The following FLAD1 variants were observed in gnomAD, a reference collection of about 807,000 sequenced individuals.
FLAD1 encodes the protein flavin adenine dinucleotide synthetase 1.
Under a neutral mutation model 55.0 loss-of-function variants are expected in FLAD1, and 35 were observed. The observed-to-expected ratio is 0.64, with a 90% CI of 0.49 to 0.84. The LOEUF is 0.84. FLAD1 is among the 40% of genes least tolerant of loss of function. FLAD1 has a pLI of 0.00. For synonymous variants in FLAD1, 267 were observed against 303.0 expected (o/e 0.88, Z 1.23); for missense variants, 665 against 742.6 (o/e 0.90, Z 1.21).
Position 154,983,553 on chromosome 1 carries a change from G to C in FLAD1, c.-142G>C, listed in dbSNP as rs1657419932. 6 of 807,206 alleles carry C rather than the reference G, an allele frequency of 7.4e-6. No individual in the cohort carries two copies. In the East Asian group the frequency reaches 1.3e-4, roughly 17 times the overall value. The allele number at this position is 807,206 out of a possible 1,614,324, so 50.0% of individuals were successfully genotyped here. Reference sequence around the variant, plus strand: ...AAGGGCCAAGGCCCAGGATAAGGTAGACATTTAAAGGGGTACGGATGCCCA... The same window carrying C: ...AAGGGCCAAGGCCCAGGATAAGGTACACATTTAAAGGGGTACGGATGCCCA... On this transcript the variant is annotated 5_prime_UTR_variant, in exon 1 of 7. Coordinates refer to ENST00000292180, the MANE Select transcript of FLAD1 (RefSeq NM_025207.5).
chr1:154,983,472 G>T lies in FLAD1; in HGVS notation c.-223G>T, dbSNP rs2292246. 1.5e-3 allele frequency: 708 copies of T among 477,848 alleles called. 8 individuals are homozygous for T. In the East Asian group the frequency reaches 0.02, roughly 14 times the overall value. The allele number at this position is 477,848 out of a possible 1,614,324, so 29.6% of individuals were successfully genotyped here. A position where few individuals can be genotyped will look rare whatever the true frequency, so the allele number is the denominator to read the frequency against. ...ATTCTGGGCTAGAAAGGGTGCAGAA[G>T]CCTGAAGTAGAAAGAGACGGGATTT... On this transcript the variant is annotated 5_prime_UTR_variant, in exon 1 of 7. Transcript: ENST00000292180.
In FLAD1 at chr1:154,988,594, G is replaced by A. The variant is rs779316347; in HGVS notation, c.862G>A (p.Ala288Thr). 5 of 1,614,230 alleles carry A rather than the reference G, an allele frequency of 3.1e-6. No individual in the cohort carries two copies. In the East Asian group the frequency reaches 8.9e-5, roughly 29 times the overall value. The change falls in exon 2 of 7, where the codon GCT (alanine) becomes ACT (threonine). Residue 288 changes from alanine (A) to threonine (T), a missense_variant. Ala to Thr is a moderately conservative substitution (Grantham distance 58). Coordinates refer to ENST00000292180, the MANE Select transcript of FLAD1 (RefSeq NM_025207.5). Reference sequence around the variant, plus strand: ...CCACTCAAAGGAGCTATATGTGGCTGCTGATGAAGCCTCCATCGCCCCCAT... The same window carrying A: ...CCACTCAAAGGAGCTATATGTGGCTACTGATGAAGCCTCCATCGCCCCCAT... ...QFHSKELYVAADEASIAPILA... is the reference protein window; with the variant it reads ...QFHSKELYVATDEASIAPILA...
At chr1:154,989,840 C>A in intron 3 of FLAD1, 133 bp downstream of exon 3, 1 of 1,013,548 alleles carries the variant, frequency 9.9e-7, no homozygotes, top group Non-Finnish European at 1.4e-6. Context: ...GTTCCATTCT[C>A]CCACCATATT....
In FLAD1 at chr1:154,988,289, T is replaced by G. The variant is rs1657708464; in HGVS notation, c.557T>G (p.Val186Gly). 1 of 1,614,100 alleles carries G rather than the reference T, an allele frequency of 6.2e-7. No individual in the cohort carries two copies. ...GGCATCGGCCCCACTCATGATGATG[T>G]GACCTTTGAGGCAGTGGCACAGGCC... Reference protein sequence around the residue: ...AGGIGPTHDDVTFEAVAQAFG... With the variant: ...AGGIGPTHDDGTFEAVAQAFG... Residue 186 changes from valine (V) to glycine (G), a missense_variant, in exon 2 of 7, where the codon GTG becomes GGG. Coordinates refer to ENST00000292180, the MANE Select transcript of FLAD1 (RefSeq NM_025207.5).
Position 154,983,906 on chromosome 1 carries a change from G to T in FLAD1, c.212G>T (p.Gly71Val). The T allele has an allele frequency of 6.2e-7, 1 of 1,611,926 alleles. No homozygotes were observed. ...YGPQCPVDLA[G>V]PPCLRPLFGG... is the part of the protein sequence containing the mutation. ...CCCCAGTGCCCTGTAGACCTGGCAG[G>T]CCCCCCGTGCTTGCGACCCCTATTT... The change falls in exon 1 of 7, where the codon GGC (glycine) becomes GTC (valine). Residue 71 changes from glycine (G) to valine (V), a missense_variant. Physicochemically the swap from Gly to Val is moderately radical, Grantham distance 109. Transcript: ENST00000292180.
Position 154,983,569 on chromosome 1 carries a change from CG to C in FLAD1, c.-124del, listed in dbSNP as rs1657421267. Reference sequence around the variant, plus strand: ...GATAAGGTAGACATTTAAAGGGGTACGGATGCCCAAGGTAGAGCAGACACTT... The same window carrying C: ...GATAAGGTAGACATTTAAAGGGGTACGATGCCCAAGGTAGAGCAGACACTT... On this transcript the variant is annotated 5_prime_UTR_variant, in exon 1 of 7. Transcript: ENST00000292180. The C allele has an allele frequency of 2.0e-6, 2 of 983,598 alleles. No individual in the cohort carries two copies. The highest frequency in any genetic ancestry group is 4.9e-5 in the East Asian group (2 of 41,186). 60.9% of individuals were successfully genotyped at this position (983,598 alleles called of 1,614,324 possible). A position where few individuals can be genotyped will look rare whatever the true frequency, so the allele number is the denominator to read the frequency against.
intron 1 of FLAD1, among the ~76,000 whole-genome samples, chr1:154,985,988 A>C (rs1010056889): frequency 6.0e-5 from 9 of 150,752 alleles, no homozygotes; most frequent in Non-Finnish European, 1.3e-4. Flanking sequence ...AGCCTCCCAA[A>C]GTGCTGGGAG....
intron 5 of FLAD1, chr1:154,991,240 A>G (rs1476664740): frequency 7.4e-6 from 1 of 134,982 alleles, no homozygotes; most frequent in African/African-American, 2.8e-5. Flanking sequence ...ATATATATAT[A>G]TGTATATATA....
In FLAD1 at chr1:154,993,063, G is replaced by A; in HGVS notation, c.*26G>A. 1 of 1,606,258 alleles carries A rather than the reference G, an allele frequency of 6.2e-7. No homozygotes were observed. The highest frequency in any genetic ancestry group is 1.1e-5 in the South Asian group (1 of 90,916). On this transcript the variant is annotated 3_prime_UTR_variant, in exon 7 of 7. Coordinates refer to ENST00000292180, the MANE Select transcript of FLAD1 (RefSeq NM_025207.5). ...CCTCCCACCCTAGGAGGGAGGGAAGGACACCGTCCTAGGGTATAACCTGGC... is the reference window on the plus strand; with the variant it reads ...CCTCCCACCCTAGGAGGGAGGGAAGAACACCGTCCTAGGGTATAACCTGGC...
chr1:154,991,223 A>ATATATATATATATATATATGTAT (rs58377614), intron 5 of FLAD1: 1 of 116,096 alleles, frequency 8.6e-6, no homozygotes, highest in East Asian at 2.6e-4. Context: ...AAAAAAAAAA[A>ATATATATATATATATATATGTAT]AAATATATAT....
chr1:154,988,640 A>T lies in FLAD1; in HGVS notation c.908A>T (p.His303Leu). ...IAPILAEAQA[H>L]FGRRLGLGSY... ...CCCATTCTGGCTGAGGCCCAGGCCC[A>T]CTTTGGACGTAGGCTTGGCCTGGGT... Residue 303 changes from histidine to leucine, a missense_variant, in exon 2 of 7, where the codon CAC (histidine) becomes CTC (leucine). Transcript: ENST00000292180. The T allele has an allele frequency of 6.2e-7, 1 of 1,614,168 alleles. No individual in the cohort carries two copies. The highest frequency in any genetic ancestry group is 8.5e-7 in the Non-Finnish European group (1 of 1,180,010).
At chr1:154,990,663 G>A in intron 5 of FLAD1, 135 bp downstream of exon 5, 1 of 821,884 alleles carries the variant, frequency 1.2e-6, no homozygotes, top group Non-Finnish European at 1.8e-6. Context: ...GGGAGGCAGT[G>A]CTATCTGTTC....
chr1:154,989,158 A>G, intron 2 of FLAD1: 3 of 625,070 alleles, frequency 4.8e-6, no homozygotes, highest in Non-Finnish European at 5.4e-6. Flanking sequence ...GATCTCCCAC[A>G]GCAGGGAGAT....
intron 5 of FLAD1, chr1:154,990,792 T>A: frequency 3.0e-6 from 1 of 329,846 alleles, no homozygotes. Context: ...TAATTATTTA[T>A]TTATACTTAA....
In FLAD1 at chr1:154,988,393, T is replaced by A; in HGVS notation, c.661T>A (p.Ser221Thr). The A allele has an allele frequency of 2.5e-6, 4 of 1,614,168 alleles. No individual in the cohort carries two copies. The highest frequency in any genetic ancestry group is 3.4e-6 in the Non-Finnish European group (4 of 1,180,026). Residue 221 changes from serine to threonine, a missense_variant, in exon 2 of 7, where the codon TCA becomes ACA. Coordinates refer to ENST00000292180, the MANE Select transcript of FLAD1 (RefSeq NM_025207.5). Reference protein sequence around the residue: ...ALGGEGWEKLSLVPSSARLHY... With the variant: ...ALGGEGWEKLTLVPSSARLHY... Reference sequence around the variant, plus strand: ...AGGAGGGGAAGGCTGGGAGAAGCTATCATTGGTGCCCTCCTCTGCCCGCCT... The same window carrying A: ...AGGAGGGGAAGGCTGGGAGAAGCTAACATTGGTGCCCTCCTCTGCCCGCCT...
rs1258805813 is a variant in FLAD1, at chr1:154,993,019, G to A, written c.1746G>A (p.Glu582=). The A allele has an allele frequency of 1.2e-6, 2 of 1,614,100 alleles. No individual in the cohort carries two copies. Among genetic ancestry groups the A allele is most frequent in the Non-Finnish European group, 1.7e-6 (2 of 1,180,002 alleles). ...ATCTACTGGAGAACGAAGAAGAGGA[G>A]CGGAACTCCCGCACATGACCTCCCA... The part of the protein sequence containing the change: ...PAYLLENEEE[E]RNSRT The change falls in exon 7 of 7, where the codon GAG becomes GAA. Residue 582 remains glutamate (E), a synonymous_variant. Transcript: ENST00000292180.
chr1:154,989,133 G>C, intron 2 of FLAD1: 1 of 690,086 alleles, frequency 1.4e-6, no homozygotes, highest in Admixed American at 3.1e-5. Context: ...TCCTGCATGG[G>C]GTGATGAAAG....
chr1:154,985,634 T>G (rs910015686), intron 1 of FLAD1, among the ~76,000 whole-genome samples: 10 of 151,506 alleles, frequency 6.6e-5, no homozygotes, highest in African/African-American at 2.4e-4. Flanking sequence ...CTCGAACTCC[T>G]GACCTCAAGT....
At chr1:154,984,132 T>C in intron 1 of FLAD1, 66 bp downstream of exon 1, 2 of 1,364,476 alleles carry the variant, frequency 1.5e-6, no homozygotes, top group Non-Finnish European at 1.9e-6. Context: ...CTGCTGCACA[T>C]CCCTCCATGG....
Sources: gnomAD v4.1 joint callset for allele counts (sites outside exome capture counted in the v4.1 genomes callset) on GRCh38, gnomAD v4.1.1 for gene constraint, MANE v1.5 for transcripts, NCBI Gene and HGNC (gene_info 2026-07-23, HGNC 2026-07-21) for gene names.